GRIK4: variants seen among roughly 807,000 people sequenced by gnomAD.
GRIK4 encodes glutamate receptor ionotropic, kainate 4.
In GRIK4, 40 loss-of-function variants were observed where a neutral mutation model predicts 104.9. That is an observed-to-expected ratio of 0.38 (90% CI 0.30 to 0.50). GRIK4 has a LOEUF of 0.50. Ranked by LOEUF, GRIK4 falls within the 20% of genes least tolerant of loss-of-function variation. The pLI, the probability that GRIK4 is intolerant of heterozygous loss-of-function variation, is 0.93. For missense variants in GRIK4, 1,047 were observed against 1,308.1 expected, an observed-to-expected ratio of 0.80 and a Z score of 3.08; for synonymous variants, 485 against 524.9, an observed-to-expected ratio of 0.92 and a Z score of 1.04.
At chr11:120,570,230 G>T (rs575807733) in intron 1 of GRIK4, among the ~76,000 whole-genome samples, 1 of 152,278 alleles carries the variant, frequency 6.6e-6, no homozygotes, top group Non-Finnish European at 1.5e-5. Context: ...AAAAGCTATT[G>T]TGATAATTAC....
At chr11:120,593,117 A>G (rs554086693) in intron 1 of GRIK4, among the ~76,000 whole-genome samples, 1 of 140,222 alleles carries the variant, frequency 7.1e-6, no homozygotes, top group South Asian at 2.4e-4. Context: ...CGGGAGGCAG[A>G]GGTTGTGGTG....
intron 11 of GRIK4, among the ~76,000 whole-genome samples, chr11:120,893,111 A>G (rs1319368040): frequency 6.6e-6 from 1 of 152,236 alleles, no homozygotes; most frequent in African/African-American, 2.4e-5. Context: ...AACACTGCAT[A>G]TTAAGGTAGA....
chr11:120,599,557 C>T (rs1948853253), intron 1 of GRIK4, among the ~76,000 whole-genome samples: 1 of 152,230 alleles, frequency 6.6e-6, no homozygotes, highest in South Asian at 2.1e-4. Context: ...GATGGAGTCT[C>T]TAGATGTCTT....
intron 3 of GRIK4, among the ~76,000 whole-genome samples, chr11:120,799,374 C>T (rs1405657109): frequency 1.3e-5 from 2 of 152,122 alleles, no homozygotes; most frequent in Non-Finnish European, 2.9e-5. Flanking sequence ...CAGGGGCAAG[C>T]CTGTTGCTAT....
chr11:120,866,792 T>G (rs972237479), intron 9 of GRIK4, among the ~76,000 whole-genome samples: 1 of 152,098 alleles, frequency 6.6e-6, no homozygotes, highest in African/African-American at 2.4e-5. Flanking sequence ...CCAAGCCCCT[T>G]TGGTTTTCTT....
intron 3 of GRIK4, among the ~76,000 whole-genome samples, chr11:120,695,100 G>A (rs1463239156): frequency 6.6e-6 from 1 of 152,192 alleles, no homozygotes; most frequent in African/African-American, 2.4e-5. Flanking sequence ...CTCTCAAAGA[G>A]GGGGAGCCAG....
At chr11:120,668,316 AAAGG>A (rs1177970193) in intron 3 of GRIK4, among the ~76,000 whole-genome samples, 7 of 151,598 alleles carry the variant, frequency 4.6e-5, no homozygotes, top group African/African-American at 1.2e-4. Context: ...AGAAAAGAAG[AAAGG>A]AAGGAAGGAA....
intron 3 of GRIK4, among the ~76,000 whole-genome samples, chr11:120,789,043 A>G (rs915760962): frequency 2.0e-5 from 3 of 151,760 alleles, no homozygotes; most frequent in African/African-American, 7.3e-5. Context: ...TTTTCCCTAC[A>G]CTGTCCCAAA....
chr11:120,542,471 G>A (rs1948047106), intron 1 of GRIK4, among the ~76,000 whole-genome samples: 2 of 152,132 alleles, frequency 1.3e-5, no homozygotes, highest in African/African-American at 4.8e-5. Context: ...CATCAAACAA[G>A]AAAGCTTCTG....
chr11:120,908,553 T>G (rs1942922751), intron 13 of GRIK4, among the ~76,000 whole-genome samples: 1 of 152,030 alleles, frequency 6.6e-6, no homozygotes, highest in African/African-American at 2.4e-5. Flanking sequence ...TCTTGCATGC[T>G]AAATCAGGGA....
chr11:120,650,519 CTCAAG>C (rs1949603150), intron 1 of GRIK4, among the ~76,000 whole-genome samples: 1 of 152,204 alleles, frequency 6.6e-6, no homozygotes, highest in Non-Finnish European at 1.5e-5. Flanking sequence ...ACCTGGCTAA[CTCAAG>C]TCAAACATTT....
chr11:120,760,069 T>G (rs1204606003), intron 3 of GRIK4, among the ~76,000 whole-genome samples: 2 of 151,988 alleles, frequency 1.3e-5, no homozygotes, highest in Non-Finnish European at 2.9e-5. Flanking sequence ...ACATTGTACG[T>G]TAGGTCTCTA....
intron 3 of GRIK4, among the ~76,000 whole-genome samples, chr11:120,749,695 C>G (rs1046069981): frequency 1.2e-4 from 19 of 152,122 alleles, no homozygotes; most frequent in African/African-American, 4.3e-4. Flanking sequence ...GCCAGCGCTG[C>G]TTTGTGGTAG....
chr11:120,900,673 G>T (rs1416264150), intron 12 of GRIK4, among the ~76,000 whole-genome samples: 1 of 152,174 alleles, frequency 6.6e-6, no homozygotes, highest in African/African-American at 2.4e-5. Context: ...GAGAAAGGGA[G>T]CATTGAGCAG....
At chr11:120,694,557 C>T (rs1202789246) in intron 3 of GRIK4, among the ~76,000 whole-genome samples, 1 of 152,184 alleles carries the variant, frequency 6.6e-6, no homozygotes, top group Non-Finnish European at 1.5e-5. Flanking sequence ...CATTTCACTG[C>T]AGCCACTGAG....
At chr11:120,934,329 G>A (rs1177349680) in intron 13 of GRIK4, among the ~76,000 whole-genome samples, 1 of 151,858 alleles carries the variant, frequency 6.6e-6, no homozygotes, top group Non-Finnish European at 1.5e-5. Context: ...AGGGAGATGA[G>A]AAGGCTTTGC....
At chr11:120,592,721 A>G (rs1308435702) in intron 1 of GRIK4, among the ~76,000 whole-genome samples, 1 of 151,912 alleles carries the variant, frequency 6.6e-6, no homozygotes, top group Admixed American at 6.6e-5. Flanking sequence ...GAGCCCCTTT[A>G]CACCCTGAAC....
At chr11:120,556,412 G>T (rs1948186139) in intron 1 of GRIK4, among the ~76,000 whole-genome samples, 1 of 152,098 alleles carries the variant, frequency 6.6e-6, no homozygotes, top group Admixed American at 6.5e-5. Flanking sequence ...CCAGAGTAAA[G>T]CTTTTAAAAT....
At chr11:120,901,354 G>A (rs1760634899) in intron 12 of GRIK4, among the ~76,000 whole-genome samples, 2 of 151,496 alleles carry the variant, frequency 1.3e-5, no homozygotes, top group South Asian at 4.2e-4. Context: ...TCCCTGCCTT[G>A]GCACATGCTG....
Sources: allele counts gnomAD v4.1 joint callset (sites outside exome capture counted in the v4.1 genomes callset), GRCh38; gene constraint gnomAD v4.1.1; transcripts MANE v1.5; gene names NCBI Gene and HGNC (gene_info 2026-07-23, HGNC 2026-07-21).